Variants in EEF2K observed in about 807,000 individuals in gnomAD.
EEF2K encodes alternative protein EEF2K.
A neutral mutation model predicts 93.8 loss-of-function variants in EEF2K; 70 were observed. The observed-to-expected ratio is 0.75, with a 90% confidence interval of 0.62 to 0.91. EEF2K has a LOEUF of 0.91. Among genes scored for constraint, EEF2K ranks in the 40% least tolerant of loss-of-function variants. The pLI is 0.00. For missense variants in EEF2K, 935 were observed against 972.9 expected (o/e 0.96, Z 0.52); for synonymous variants, 376 against 380.8 (o/e 0.99, Z 0.15).
At chr16:22,269,160 A>T (rs747878394) in intron 15 of EEF2K, among the ~76,000 whole-genome samples, 1 of 152,154 alleles carries the variant, frequency 6.6e-6, no homozygotes, top group Non-Finnish European at 1.5e-5. Flanking sequence ...TGGAAGCTAG[A>T]AGTCCAGAAA....
intron 1 of EEF2K, among the ~76,000 whole-genome samples, chr16:22,217,507 G>A (rs1488939598): frequency 1.3e-5 from 2 of 152,018 alleles, no homozygotes; most frequent in African/African-American, 4.8e-5. Flanking sequence ...ACAGTGGCAC[G>A]ATCTTGGCTC....
chr16:22,219,860 G>T (rs2142102846), intron 1 of EEF2K, among the ~76,000 whole-genome samples: 1 of 152,278 alleles, frequency 6.6e-6, no homozygotes, highest in East Asian at 1.9e-4. Context: ...TCAGCACAGG[G>T]CCATCCGCCT....
chr16:22,271,443 C>T (rs1020408629), intron 15 of EEF2K, among the ~76,000 whole-genome samples: 1 of 152,074 alleles, frequency 6.6e-6, no homozygotes, highest in Non-Finnish European at 1.5e-5. Flanking sequence ...AACCCCAGCA[C>T]TTTTGGAGGC....
intron 1 of EEF2K, among the ~76,000 whole-genome samples, chr16:22,207,054 C>G (rs116876457): frequency 2.2e-3 from 334 of 152,350 alleles, no homozygotes; most frequent in Non-Finnish European, 3.4e-3. Flanking sequence ...CCGCATCCCC[C>G]ACCTTTCCCC....
intron 15 of EEF2K, among the ~76,000 whole-genome samples, chr16:22,268,379 C>T (rs1038602638): frequency 6.6e-6 from 1 of 151,984 alleles, no homozygotes; most frequent in Non-Finnish European, 1.5e-5. Flanking sequence ...CCATGTTGGC[C>T]AGACTGGTCT....
intron 1 of EEF2K, 68 bp from the exon 2 acceptor site, chr16:22,225,586 G>T: frequency 3.1e-6 from 4 of 1,281,546 alleles, no homozygotes; most frequent in Non-Finnish European, 4.2e-6. Flanking sequence ...AGCATTTGGG[G>T]TGAGGGTCGG....
intron 1 of EEF2K, among the ~76,000 whole-genome samples, chr16:22,215,022 G>A (rs2046945880): frequency 6.6e-6 from 1 of 152,174 alleles, no homozygotes. Flanking sequence ...CTATGTAAAT[G>A]AAGTAATGGC....
At chr16:22,251,117 AC>A in intron 5 of EEF2K, 33 bp from the exon 6 acceptor site, 1 of 1,597,770 alleles carries the variant, frequency 6.3e-7, no homozygotes, top group Non-Finnish European at 8.5e-7. Context: ...ACCCCAGAGT[AC>A]CCAGGTAGGC....
chr16:22,276,142 T>C (rs1262060349), intron 16 of EEF2K, among the ~76,000 whole-genome samples: 1 of 150,840 alleles, frequency 6.6e-6, no homozygotes, highest in South Asian at 2.1e-4. Context: ...GACAAGGGCT[T>C]GCTATGATGC....
intron 5 of EEF2K, among the ~76,000 whole-genome samples, 174 bp from the exon 6 acceptor site, chr16:22,250,977 C>T (rs751804990): frequency 6.6e-6 from 1 of 152,156 alleles, no homozygotes; most frequent in Non-Finnish European, 1.5e-5. Context: ...CCCCCTGTCC[C>T]AGCTCTTTGA....
At chr16:22,232,415 C>T (rs751193477) in intron 2 of EEF2K, among the ~76,000 whole-genome samples, 3 of 151,572 alleles carry the variant, frequency 2.0e-5, no homozygotes, top group South Asian at 2.1e-4. Flanking sequence ...TTTTTTGGAA[C>T]GATGGGGTCT....
chr16:22,260,509 G>A lies in EEF2K; in HGVS notation c.1279G>A (p.Asp427Asn). The A allele has an allele frequency of 6.2e-7, 1 of 1,614,120 alleles. No homozygotes were observed. Among genetic ancestry groups the A allele is most frequent in the Admixed American group, 1.7e-5 (1 of 60,016 alleles). Residue 427 changes from aspartate (D) to asparagine (N), a missense_variant, in exon 11 of 18, where the codon GAT becomes AAT. By Grantham distance (23) the Asp-to-Asn change is conservative (BLOSUM62 1). Transcript: ENST00000263026. The part of the protein sequence containing the change: ...DLDNMASRDH[D>N]HLDNHRESEN... ...CGATAACATGGCATCCAGAGACCAT[G>A]ATCATCTAGACAACCACCGGGTGAG...
Position 22,283,738 on chromosome 16 carries a change from C to T in EEF2K, c.2069-149C>T, listed in dbSNP as rs376978743. The T allele has an allele frequency of 1.5e-3, 1,100 of 726,920 alleles. 24 individuals carry two copies. In the South Asian group the frequency reaches 0.017, roughly 11 times the overall value. 45.0% of individuals were successfully genotyped at this position (726,920 alleles called of 1,614,324 possible). On this transcript the variant is annotated intron_variant, in intron 17 of 17. Coordinates refer to ENST00000263026, the MANE Select transcript of EEF2K (RefSeq NM_013302.5). ...ACAGGCCCACCTTTAGAGCCCCGCC[C>T]GGAACACCTGGAGGGAGAGGGCACA...
At chr16:22,262,083 C>T (rs1250381851) in intron 11 of EEF2K, among the ~76,000 whole-genome samples, 8 of 151,650 alleles carry the variant, frequency 5.3e-5, no homozygotes, top group East Asian at 1.9e-4. Flanking sequence ...AAAACTATTC[C>T]GTTACTAATT....
intron 17 of EEF2K, among the ~76,000 whole-genome samples, chr16:22,283,013 G>T (rs2047711065): frequency 6.6e-6 from 1 of 152,058 alleles, no homozygotes; most frequent in African/African-American, 2.4e-5. Context: ...AATTAACAAA[G>T]AATAATGCAA....
Position 22,285,211 on chromosome 16 carries a change from T to A in EEF2K, c.*1215T>A, listed in dbSNP as rs757211850. The A allele has an allele frequency of 6.6e-6, 1 of 152,368 alleles. No individual in the cohort carries two copies. The highest frequency in any genetic ancestry group is 2.4e-5 in the African/African-American group (1 of 41,446). The allele number at this position is 152,368 out of a possible 1,614,324, so 9.4% of individuals were successfully genotyped here. On this transcript the variant is annotated 3_prime_UTR_variant, in exon 18 of 18. Coordinates refer to ENST00000263026, the MANE Select transcript of EEF2K (RefSeq NM_013302.5). The stretch of plus-strand genomic sequence containing the variant: ...CAGCTCCCACAACGTGACTGCAATG[T>A]CTCTTATACAGTATTCCTTGGTGTT...
chr16:22,251,378 C>A, intron 6 of EEF2K, 56 bp downstream of exon 6: 1 of 1,579,724 alleles, frequency 6.3e-7, no homozygotes, highest in Non-Finnish European at 8.6e-7. Context: ...GGCACAGTGT[C>A]TGGGAAAGAG....
Position 22,207,850 on chromosome 16 carries a change from G to A in EEF2K, c.-77+1171G>A, listed in dbSNP as rs1045776836. On this transcript the variant is annotated intron_variant, in intron 1 of 17. Coordinates refer to ENST00000263026, the MANE Select transcript of EEF2K (RefSeq NM_013302.5). ...TGGGAGCTGAGAATGCCCACTGTGT[G>A]TGTAAAGGGGAGAGGGTTATGGGGG... Among the ~76,000 whole-genome samples, 3 of 152,282 alleles carry A rather than the reference G, an allele frequency of 2.0e-5. No individual in the cohort carries two copies. In the East Asian group the frequency reaches 5.8e-4, roughly 29 times the overall value.
chr16:22,241,181 T>TC (rs1051240030), intron 2 of EEF2K, among the ~76,000 whole-genome samples: 7 of 152,182 alleles, frequency 4.6e-5, no homozygotes, highest in African/African-American at 1.7e-4. Flanking sequence ...AGGGAGGACT[T>TC]CCGCTTTCTA....
Sources: allele counts gnomAD v4.1 joint callset (sites outside exome capture counted in the v4.1 genomes callset), GRCh38; gene constraint gnomAD v4.1.1; transcripts MANE v1.5; gene names NCBI Gene and HGNC (gene_info 2026-07-23, HGNC 2026-07-21).